Variants in ASB12 observed in about 807,000 individuals in gnomAD.
ASB12 encodes ankyrin repeat and SOCS box protein 12.
In ASB12, 17 loss-of-function variants were observed where a neutral mutation model predicts 13.7. That is an observed-to-expected ratio of 1.24 (90% CI 0.85 to 1.86). ASB12 has a LOEUF of 1.86. Ranked by LOEUF, ASB12 falls within the 40% of genes most tolerant of loss-of-function variation. ASB12 has a pLI of 0.00. For synonymous variants in ASB12, 107 were observed against 99.8 expected, an observed-to-expected ratio of 1.07 and a Z score of -0.43; for missense variants, 329 against 250.5, an observed-to-expected ratio of 1.31 and a Z score of -2.11.
chrX:64,225,086 C>A lies in ASB12; in HGVS notation c.565G>T (p.Ala189Ser), dbSNP rs201303910. 1.7e-6 allele frequency: 2 copies of A among 1,209,626 alleles called. No homozygotes were observed. The highest frequency in any genetic ancestry group is 1.8e-5 in the South Asian group (1 of 56,748). ...ASCSGPLYLA[A>S]VYGHLDCFRL... is the part of the protein sequence containing the mutation. ...AAACAGTCCAGGTGCCCGTAGACTG[C>A]GGCCAAATAGAGGGGGCCAGAACAT... is the stretch of plus-strand genomic sequence containing the variant. Residue 189 changes from alanine to serine, a missense_variant, in exon 2 of 3, where the codon GCA becomes TCA. By Grantham distance (99) the Ala-to-Ser change is moderately conservative. Transcript: ENST00000362002.
At chrX:64,228,075 CT>C (rs1300287032) in intron 1 of ASB12, among the ~76,000 whole-genome samples, 2 of 112,308 alleles carry the variant, frequency 1.8e-5, no homozygotes, top group Admixed American at 9.4e-5. Context: ...CATATCTGAT[CT>C]CTACCAATCC....
At chrX:64,225,731 G>C in intron 1 of ASB12, 57 bp from the exon 2 acceptor site, 1 of 1,089,055 alleles carries the variant, frequency 9.2e-7, no homozygotes, top group Non-Finnish European at 1.2e-6. Context: ...GCCTGACCAT[G>C]CACGCTCCTT....
chrX:64,229,227 G>A (rs993698894), intron 1 of ASB12, among the ~76,000 whole-genome samples: 1 of 111,609 alleles, frequency 9.0e-6, no homozygotes, highest in Non-Finnish European at 1.9e-5. Context: ...TTGGCGACTG[G>A]GATCTGGGCA....
Position 64,225,539 on chromosome X carries a change from C to G in ASB12, c.112G>C (p.Ala38Pro). 1 of 1,209,066 alleles carries G rather than the reference C, an allele frequency of 8.3e-7. No homozygotes were observed. The stretch of plus-strand genomic sequence containing the variant: ...TTGTCATACACTGCTTGATTGAGAG[C>G]CTGCTTCTCCTCTGTGTCAGTGTCC... The part of the protein sequence containing the change: ...EEDTDTEEKQ[A>P]LNQAVYDNDS... The change falls in exon 2 of 3, where the codon GCT (alanine) becomes CCT (proline). Residue 38 changes from alanine (A) to proline (P), a missense_variant. Ala to Pro is a conservative substitution (Grantham distance 27). Transcript: ENST00000362002.
chrX:64,230,422 G>A (rs1366732108), intron 1 of ASB12, 41 bp downstream of exon 1: 2 of 110,981 alleles, frequency 1.8e-5, no homozygotes, highest in Admixed American at 1.9e-4. Flanking sequence ...GGCCCGCAGT[G>A]GTCACTCTTC....
rs148909267 is a variant in ASB12 at position 64,225,058 on chromosome X, C to T, written c.593G>A (p.Arg198His). ...AAVYGHLDCF[R>H]LLLLHGADPD... ...GTCTGCCCCGTGGAGCAAAAGCAGG[C>T]GGAAACAGTCCAGGTGCCCGTAGAC... Residue 198 changes from arginine to histidine, a missense_variant, in exon 2 of 3, where the codon CGC (arginine) becomes CAC (histidine). Coordinates refer to ENST00000362002, the MANE Select transcript of ASB12 (RefSeq NM_130388.4). The T allele has an allele frequency of 4.0e-4, 486 of 1,209,669 alleles. 6 individuals are homozygous for T. The highest frequency in any genetic ancestry group is 6.5e-4 in the African/African-American group (37 of 57,092).
rs190614396 is a variant in ASB12 at position 64,226,029 on chromosome X, T to A, written c.-24-355A>T. Among the ~76,000 whole-genome samples, 9 of 112,850 alleles carry A rather than the reference T, an allele frequency of 8.0e-5. No homozygotes were observed. In the East Asian group the frequency reaches 2.5e-3, roughly 31 times the overall value. On this transcript the variant is annotated intron_variant, in intron 1 of 2. Transcript: ENST00000362002. ...CGCTTATCTATGTTCCATTAGTGTATAAACTCCAGGGCAAGGACCCTGTAT... is the reference window on the plus strand; with the variant it reads ...CGCTTATCTATGTTCCATTAGTGTAAAAACTCCAGGGCAAGGACCCTGTAT...
intron 2 of ASB12, 105 bp from the exon 3 acceptor site, chrX:64,224,573 C>A: frequency 1.0e-6 from 1 of 963,584 alleles, no homozygotes; most frequent in South Asian, 2.5e-5. Context: ...ATGCTCTATC[C>A]TTTCCAAGAA....
Position 64,224,943 on chromosome X carries a change from C to T in ASB12, c.708G>A (p.Glu236=). 1.7e-6 allele frequency: 2 copies of T among 1,211,588 alleles called. No homozygotes were observed. Among genetic ancestry groups the T allele is most frequent in the Non-Finnish European group, 2.2e-6 (2 of 895,480 alleles). The change falls in exon 2 of 3, where the codon GAG becomes GAA. Residue 236 remains glutamate (E), a synonymous_variant. Transcript: ENST00000362002. ...LLEICLHHNC[E]PEYIQLLIDF... ...CGATTAACAGCTGGATATACTCTGGCTCACAATTATGATGGAGGCAGATTT... is the reference window on the plus strand; with the variant it reads ...CGATTAACAGCTGGATATACTCTGGTTCACAATTATGATGGAGGCAGATTT...
Position 64,224,895 on chromosome X carries a change from A to G in ASB12, c.756T>C (p.Leu252=), listed in dbSNP as rs375532073. The G allele has an allele frequency of 8.3e-7, 1 of 1,206,944 alleles. No homozygotes were observed. The highest frequency in any genetic ancestry group is 1.1e-6 in the Non-Finnish European group (1 of 893,559). The part of the protein sequence containing the change: ...LLIDFGANIY[L]PSLSLDLTSQ... Reference sequence around the variant, plus strand: ...AGGTCAGGTCAAGGGAGAGAGATGGAAGGTAGATATTAGCACCAAAATCGA... The same window carrying G: ...AGGTCAGGTCAAGGGAGAGAGATGGGAGGTAGATATTAGCACCAAAATCGA... Residue 252 remains leucine, a synonymous_variant, in exon 2 of 3, where the codon CTT becomes CTC. Transcript: ENST00000362002.
rs777426401 is a variant in ASB12 at position 64,229,886 on chromosome X, G to A, written c.-25+577C>T. 2.7e-5 allele frequency among the ~76,000 whole-genome samples: 3 copies of A among 111,305 alleles called. No individual in the cohort carries two copies. In the South Asian group the frequency reaches 1.2e-3, roughly 44 times the overall value. ...TGAAGGAAATAGTACATTTTAGTTAGAGGTTAGGGGGAAAAAAGGTAATTG... is the reference window on the plus strand; with the variant it reads ...TGAAGGAAATAGTACATTTTAGTTAAAGGTTAGGGGGAAAAAAGGTAATTG... On this transcript the variant is annotated intron_variant, in intron 1 of 2. Coordinates refer to ENST00000362002, the MANE Select transcript of ASB12 (RefSeq NM_130388.4).
intron 2 of ASB12, 113 bp downstream of exon 2, chrX:64,224,715 G>A: frequency 1.0e-6 from 1 of 986,155 alleles, no homozygotes; most frequent in Non-Finnish European, 1.3e-6. Flanking sequence ...CCCAGGAGAG[G>A]GAGGAAGATG....
In ASB12 at chrX:64,224,955, A is replaced by T. The variant is rs1371469998; in HGVS notation, c.696T>A (p.His232Gln). 2 of 1,211,626 alleles carry T rather than the reference A, an allele frequency of 1.7e-6. No homozygotes were observed. The highest frequency in any genetic ancestry group is 2.2e-6 in the Non-Finnish European group (2 of 895,417). Residue 232 changes from histidine (H) to glutamine (Q), a missense_variant, in exon 2 of 3, where the codon CAT (histidine) becomes CAA (glutamine). Physicochemically the swap from His to Gln is conservative, Grantham distance 24 (BLOSUM62 0). Transcript: ENST00000362002. ...GGATATACTCTGGCTCACAATTATG[A>T]TGGAGGCAGATTTCAAGGAGGGTGC... Reference protein sequence around the residue: ...RPRTLLEICLHHNCEPEYIQL... With the variant: ...RPRTLLEICLQHNCEPEYIQL...
chrX:64,224,571 T>C (rs772016222), intron 2 of ASB12, 103 bp from the exon 3 acceptor site: 45 of 965,484 alleles, frequency 4.7e-5, no homozygotes, highest in Non-Finnish European at 5.6e-6. Context: ...TAATGCTCTA[T>C]CCTTTCCAAG....
rs757963246 is a variant in ASB12, at chrX:64,226,481, G to A, written c.-24-807C>T. Among the ~76,000 whole-genome samples the A allele has an allele frequency of 1.3e-4, 15 of 111,925 alleles. No homozygotes were observed. The South Asian group carries it at 5.3e-3, about 39-fold the overall frequency. ...TGGCAGGAAACAGTCGAGGCTCCCAGGGCAAGTTTCCTCTCTGATTACAAC... is the reference window on the plus strand; with the variant it reads ...TGGCAGGAAACAGTCGAGGCTCCCAAGGCAAGTTTCCTCTCTGATTACAAC... On this transcript the variant is annotated intron_variant, in intron 1 of 2. Transcript: ENST00000362002.
rs1930913321 is a variant in ASB12, at chrX:64,225,112, G to A, written c.539C>T (p.Ser180Leu). The A allele has an allele frequency of 8.3e-7, 1 of 1,209,606 alleles. No individual in the cohort carries two copies. The highest frequency in any genetic ancestry group is 1.8e-5 in the African/African-American group (1 of 56,994). The change falls in exon 2 of 3, where the codon TCA becomes TTA. Residue 180 changes from serine to leucine, a missense_variant. Physicochemically the swap from Ser to Leu is moderately radical, Grantham distance 145. Transcript: ENST00000362002. ...KLPVWASNIA[S>L]CSGPLYLAAV... ...GGCCAAATAGAGGGGGCCAGAACATGAAGCTATGTTTGATGCCCAGACTGG... is the reference window on the plus strand; with the variant it reads ...GGCCAAATAGAGGGGGCCAGAACATAAAGCTATGTTTGATGCCCAGACTGG...
chrX:64,226,814 G>A (rs761154029), intron 1 of ASB12: 3 of 668,512 alleles, frequency 4.5e-6, no homozygotes, highest in African/African-American at 4.8e-5. Context: ...CCCATACCCT[G>A]CAGCTGAGGT....
At chrX:64,227,581 C>T (rs751110192) in intron 1 of ASB12, among the ~76,000 whole-genome samples, 9 of 111,653 alleles carry the variant, frequency 8.1e-5, no homozygotes, top group Non-Finnish European at 7.5e-5. Context: ...TTCCCATTCT[C>T]CCCTGAAATA....
At position 64,224,433 on chromosome X, in the gene ASB12, C is replaced by T; in HGVS notation, c.859G>A (p.Val287Ile). ...GCCTGGCACAAGGCTCTGCGGACGACTAAACGGACCTGTGATAGAAGTGAC... is the reference window on the plus strand; with the variant it reads ...GCCTGGCACAAGGCTCTGCGGACGATTAAACGGACCTGTGATAGAAGTGAC... The part of the protein sequence containing the change: ...PRSLLSQVRL[V>I]VRRALCQAGQ... The change falls in exon 3 of 3, where the codon GTC becomes ATC. Residue 287 changes from valine (V) to isoleucine (I), a missense_variant. Val to Ile is a conservative substitution (Grantham distance 29). Transcript: ENST00000362002. 1 of 1,210,583 alleles carries T rather than the reference C, an allele frequency of 8.3e-7. No homozygotes were observed. The highest frequency in any genetic ancestry group is 1.1e-6 in the Non-Finnish European group (1 of 894,769).
Sources: allele counts gnomAD v4.1 joint callset (sites outside exome capture counted in the v4.1 genomes callset), GRCh38; gene constraint gnomAD v4.1.1; transcripts MANE v1.5; gene names NCBI Gene and HGNC (gene_info 2026-07-23, HGNC 2026-07-21).